SH3BGRL2: variants seen among roughly 807,000 people sequenced by gnomAD.
The protein encoded by SH3BGRL2 is SH3 domain-binding glutamic acid-rich-like protein 2.
In SH3BGRL2, 21 loss-of-function variants were observed where a neutral mutation model predicts 14.8. That is an observed-to-expected ratio of 1.42 (90% CI 1.01 to 2.05). The LOEUF (loss-of-function observed/expected upper bound fraction) is 2.05. Among genes scored for constraint, SH3BGRL2 ranks in the 30% most tolerant of loss-of-function variants. The pLI, the probability that SH3BGRL2 is intolerant of heterozygous loss-of-function variation, is 0.00. For missense variants in SH3BGRL2, 147 were observed against 130.8 expected (o/e 1.12, Z -0.61); for synonymous variants, 50 against 47.8 (o/e 1.05, Z -0.19).
chr6:79,586,774 G>A, the SH3BGRL2 span, among the ~76,000 whole-genome samples: 1 of 152,130 alleles, frequency 6.6e-6, no homozygotes, highest in Non-Finnish European at 1.5e-5. Context: ...GTCAGAGGGA[G>A]GAACTGCTGT....
chr6:79,610,022 T>C, the SH3BGRL2 span, among the ~76,000 whole-genome samples: 1 of 152,232 alleles, frequency 6.6e-6, no homozygotes, highest in Non-Finnish European at 1.5e-5. Context: ...TTTAGAGATA[T>C]GCTGCTTGAG....
rs1228195286 is a variant in SH3BGRL2 at position 79,699,780 on chromosome 6, C to A, written c.*271C>A. On this transcript the variant is annotated 3_prime_UTR_variant, in exon 4 of 4. Coordinates refer to ENST00000369838, the MANE Select transcript of SH3BGRL2 (RefSeq NM_031469.4). Reference sequence around the variant, plus strand: ...AATACCGTCACCTGTTACAGGTGTACTTTCTTAATGACTGAAAGATAAGTG... The same window carrying A: ...AATACCGTCACCTGTTACAGGTGTAATTTCTTAATGACTGAAAGATAAGTG... 7.2e-6 allele frequency: 3 copies of A among 417,446 alleles called. No individual in the cohort carries two copies. Among genetic ancestry groups the A allele is most frequent in the Admixed American group, 8.0e-5 (2 of 24,908 alleles). 25.9% of individuals were successfully genotyped at this position (417,446 alleles called of 1,614,324 possible).
At chr6:79,569,098 G>T in the SH3BGRL2 span, among the ~76,000 whole-genome samples, 1 of 152,134 alleles carries the variant, frequency 6.6e-6, no homozygotes, top group Non-Finnish European at 1.5e-5. Context: ...ATACATGTAC[G>T]ATGTACATTG....
upstream of SH3BGRL2, among the ~76,000 whole-genome samples, chr6:79,630,699 A>G (rs1228456517): frequency 3.3e-5 from 5 of 152,138 alleles, no homozygotes; most frequent in Non-Finnish European, 7.4e-5. Context: ...TTTCTACTAC[A>G]ATTACAGTTT....
rs1769823037 is a variant in SH3BGRL2 at position 79,673,711 on chromosome 6, G to A, written c.143G>A (p.Trp48Ter). 1 of 1,614,014 alleles carries A rather than the reference G, an allele frequency of 6.2e-7. No homozygotes were observed. The highest frequency in any genetic ancestry group is 1.3e-5 in the African/African-American group (1 of 74,894). The part of the protein sequence containing the change: ...DITMSEEQRQ[W>*]MYKNVPPEKK... ...ACAATGTCAGAAGAACAGAGGCAAT[G>A]GATGTACAAAAACGTCCCCCCGGAA... is the stretch of plus-strand genomic sequence containing the variant. Residue 48 changes from tryptophan to a stop codon, truncating the protein, a stop_gained, in exon 2 of 4, where the codon TGG becomes TAG. Transcript: ENST00000369838. LOFTEE classifies it high-confidence loss of function.
At chr6:79,544,160 A>AT in the SH3BGRL2 span, among the ~76,000 whole-genome samples, 1 of 152,184 alleles carries the variant, frequency 6.6e-6, no homozygotes, top group Admixed American at 6.5e-5. Flanking sequence ...AGAGACAGAA[A>AT]TTAAAAACCA....
the SH3BGRL2 span, among the ~76,000 whole-genome samples, chr6:79,559,719 C>A: frequency 6.6e-6 from 1 of 152,068 alleles, no homozygotes; most frequent in Non-Finnish European, 1.5e-5. Flanking sequence ...GCTCTAGTTA[C>A]GTAAGAGAAC....
chr6:79,689,244 C>A (rs1343754275), intron 2 of SH3BGRL2, among the ~76,000 whole-genome samples: 1 of 151,934 alleles, frequency 6.6e-6, no homozygotes, highest in Admixed American at 6.6e-5. Context: ...AATTTCTATT[C>A]TTTTGGGTGG....
the SH3BGRL2 span, among the ~76,000 whole-genome samples, chr6:79,549,625 G>A: frequency 6.6e-6 from 1 of 152,168 alleles, no homozygotes; most frequent in African/African-American, 2.4e-5. Context: ...TAGCCGAGGT[G>A]TGTAGTAGGG....
At chr6:79,647,747 C>T (rs189399471) in intron 1 of SH3BGRL2, among the ~76,000 whole-genome samples, 193 of 152,088 alleles carry the variant, frequency 1.3e-3, no homozygotes, top group Non-Finnish European at 2.0e-3. Flanking sequence ...TTTTAAGATT[C>T]TAAAAAATTT....
chr6:79,664,282 C>G (rs868689652), intron 1 of SH3BGRL2, among the ~76,000 whole-genome samples: 1 of 152,250 alleles, frequency 6.6e-6, no homozygotes, highest in Non-Finnish European at 1.5e-5. Context: ...GGAGCTGTTC[C>G]TATTCACCCA....
intron 2 of SH3BGRL2, among the ~76,000 whole-genome samples, chr6:79,685,961 T>C (rs1351972630): frequency 1.3e-5 from 2 of 152,228 alleles, no homozygotes; most frequent in African/African-American, 2.4e-5. Flanking sequence ...TAACATAGTG[T>C]GCCTACCTAG....
intron 1 of SH3BGRL2, among the ~76,000 whole-genome samples, chr6:79,668,325 A>T (rs1769702583): frequency 6.6e-6 from 1 of 151,756 alleles, no homozygotes; most frequent in African/African-American, 2.4e-5. Context: ...ATCCCTAGGG[A>T]CTCTAGGAGC....
the SH3BGRL2 span, among the ~76,000 whole-genome samples, chr6:79,588,415 A>G: frequency 6.6e-6 from 1 of 152,004 alleles, no homozygotes; most frequent in Non-Finnish European, 1.5e-5. Context: ...CTTGCTGTTA[A>G]CTCCCCATCT....
intron 2 of SH3BGRL2, among the ~76,000 whole-genome samples, chr6:79,676,364 T>G (rs1271829722): frequency 6.6e-6 from 1 of 152,164 alleles, no homozygotes; most frequent in Non-Finnish European, 1.5e-5. Flanking sequence ...ATACAGACTT[T>G]CAAACAATTT....
the SH3BGRL2 span, among the ~76,000 whole-genome samples, chr6:79,590,424 G>GACATATATAT: frequency 1.5e-5 from 1 of 66,684 alleles, no homozygotes; most frequent in Admixed American, 1.5e-4. Flanking sequence ...AAGAAAATGT[G>GACATATATAT]ATATATATAT....
the SH3BGRL2 span, among the ~76,000 whole-genome samples, chr6:79,607,065 G>C: frequency 6.6e-6 from 1 of 152,064 alleles, no homozygotes. Context: ...TTTTCCCCCA[G>C]CAATAGTTTT....
chr6:79,549,165 G>A, the SH3BGRL2 span, among the ~76,000 whole-genome samples: 1 of 152,096 alleles, frequency 6.6e-6, no homozygotes, highest in African/African-American at 2.4e-5. Flanking sequence ...TAAGGATGAG[G>A]GGCATGGAAT....
At chr6:79,569,628 C>T in the SH3BGRL2 span, among the ~76,000 whole-genome samples, 384 of 152,300 alleles carry the variant, frequency 2.5e-3, no homozygotes, top group Non-Finnish European at 3.9e-3. Context: ...GCATGTCCAA[C>T]GTTCCCATCC....
Sources: allele counts gnomAD v4.1 joint callset (sites outside exome capture counted in the v4.1 genomes callset), GRCh38; gene constraint gnomAD v4.1.1; transcripts MANE v1.5; gene names NCBI Gene and HGNC (gene_info 2026-07-23, HGNC 2026-07-21).